The following GLT1D1 variants were observed in gnomAD, a reference collection of about 807,000 sequenced individuals.
GLT1D1 encodes glycosyltransferase 1 domain-containing protein 1.
Under a neutral mutation model 28.7 loss-of-function variants are expected in GLT1D1, and 21 were observed. The observed-to-expected ratio is 0.73, with a 90% CI of 0.52 to 1.05. The LOEUF (loss-of-function observed/expected upper bound fraction) is 1.05, where lower values mean the gene tolerates loss of function less well. GLT1D1 is among the 50% of genes least tolerant of loss of function. GLT1D1 has a pLI of 0.00. For synonymous variants in GLT1D1, 147 were observed against 124.8 expected (o/e 1.18, Z -1.19); for missense variants, 343 against 330.6 (o/e 1.04, Z -0.29).
intron 4 of GLT1D1, among the ~76,000 whole-genome samples, chr12:128,924,273 A>G (rs953848304): frequency 1.3e-5 from 2 of 151,758 alleles, no homozygotes; most frequent in Non-Finnish European, 2.9e-5. Flanking sequence ...CTAAAAATAC[A>G]AAAAGTAGCT....
At chr12:128,906,165 G>A (rs529309869) in intron 4 of GLT1D1, among the ~76,000 whole-genome samples, 3 of 152,272 alleles carry the variant, frequency 2.0e-5, no homozygotes, top group East Asian at 3.9e-4. Flanking sequence ...ATATTGATTT[G>A]ACATTTTCAA....
At chr12:128,912,325 ACGG>A in intron 4 of GLT1D1, 96 bp from the exon 5 acceptor site, 1 of 682,670 alleles carries the variant, frequency 1.5e-6, no homozygotes, top group Non-Finnish European at 2.4e-6. Context: ...GTTTTCCAGG[ACGG>A]CTTTTTTTGT....
intron 4 of GLT1D1, chr12:128,944,494 A>G: frequency 8.8e-7 from 1 of 1,137,390 alleles, no homozygotes; most frequent in Non-Finnish European, 1.3e-6. Context: ...CTCCCCTGTC[A>G]GAGCATCAAT....
intron 4 of GLT1D1, among the ~76,000 whole-genome samples, chr12:128,917,998 T>C (rs577499995): frequency 2.9e-4 from 44 of 152,272 alleles, no homozygotes; most frequent in Non-Finnish European, 2.6e-4. Flanking sequence ...GTTATAAAGA[T>C]ACATGCACGT....
intron 5 of GLT1D1, among the ~76,000 whole-genome samples, chr12:128,946,359 G>T (rs1876074083): frequency 6.6e-6 from 1 of 152,074 alleles, no homozygotes; most frequent in East Asian, 1.9e-4. Context: ...TGTTGTTGTT[G>T]TTGTTGAGAC....
intron 7 of GLT1D1, among the ~76,000 whole-genome samples, chr12:128,977,110 C>T (rs966042659): frequency 2.0e-5 from 3 of 152,190 alleles, no homozygotes; most frequent in African/African-American, 7.2e-5. Flanking sequence ...CGCGCCGCTG[C>T]ACTCCAGCCT....
intron 4 of GLT1D1, among the ~76,000 whole-genome samples, chr12:128,942,126 C>T (rs1043517462): frequency 2.7e-5 from 4 of 150,738 alleles, no homozygotes; most frequent in African/African-American, 9.8e-5. Context: ...TATTAGAACA[C>T]AGTCATTCAG....
intron 7 of GLT1D1, among the ~76,000 whole-genome samples, chr12:128,958,322 G>A (rs1197950822): frequency 6.6e-6 from 1 of 152,180 alleles, no homozygotes; most frequent in East Asian, 1.9e-4. Flanking sequence ...TGGATAAGTG[G>A]AGCTCATAGT....
At chr12:128,889,729 C>T (rs536863620) in intron 3 of GLT1D1, among the ~76,000 whole-genome samples, 27 of 152,330 alleles carry the variant, frequency 1.8e-4, no homozygotes, top group Admixed American at 2.6e-4. Flanking sequence ...TTGTGCTGAG[C>T]GCTATGTAAT....
intron 1 of GLT1D1, among the ~76,000 whole-genome samples, chr12:128,869,237 A>G (rs144512193): frequency 2.0e-5 from 3 of 151,446 alleles, no homozygotes; most frequent in African/African-American, 4.9e-5. Context: ...CACCGTCTTG[A>G]CTCACTGCAG....
At chr12:128,862,937 T>C (rs1040607917) in intron 1 of GLT1D1, among the ~76,000 whole-genome samples, 2 of 152,144 alleles carry the variant, frequency 1.3e-5, no homozygotes, top group African/African-American at 2.4e-5. Flanking sequence ...TGTAGGGTGA[T>C]GACAGAGAGA....
intron 3 of GLT1D1, among the ~76,000 whole-genome samples, chr12:128,889,888 C>A (rs948851133): frequency 6.6e-6 from 1 of 152,222 alleles, no homozygotes; most frequent in Non-Finnish European, 1.5e-5. Context: ...GATTCTTGTG[C>A]CTCAGGCTCC....
chr12:128,891,595 C>T (rs1023157157), intron 3 of GLT1D1, among the ~76,000 whole-genome samples: 4 of 152,160 alleles, frequency 2.6e-5, no homozygotes, highest in African/African-American at 4.8e-5. Flanking sequence ...ATTTGGGACA[C>T]TTCAAGTCTT....
chr12:128,937,539 G>A (rs1874694264), intron 4 of GLT1D1, among the ~76,000 whole-genome samples: 1 of 152,162 alleles, frequency 6.6e-6, no homozygotes, highest in Non-Finnish European at 1.5e-5. Context: ...CATCTCAGAG[G>A]ATGAATAGGT....
chr12:128,929,299 A>T (rs1441904847), intron 4 of GLT1D1, among the ~76,000 whole-genome samples: 1 of 152,178 alleles, frequency 6.6e-6, no homozygotes, highest in African/African-American at 2.4e-5. Flanking sequence ...GCAGCGTTAA[A>T]TAAAGTCTGT....
chr12:128,855,236 A>C (rs1036765308), intron 1 of GLT1D1, among the ~76,000 whole-genome samples: 8 of 147,404 alleles, frequency 5.4e-5, no homozygotes, highest in African/African-American at 2.0e-4. Flanking sequence ...AAAAAAAAAA[A>C]AAAAAAACAA....
intron 6 of GLT1D1, among the ~76,000 whole-genome samples, chr12:128,949,784 T>C (rs1426867758): frequency 6.6e-6 from 1 of 151,448 alleles, no homozygotes; most frequent in Non-Finnish European, 1.5e-5. Flanking sequence ...ACACACACGC[T>C]CACACACATG....
intron 7 of GLT1D1, among the ~76,000 whole-genome samples, chr12:128,982,330 G>GCCA (rs1183688090): frequency 6.6e-6 from 1 of 152,180 alleles, no homozygotes; most frequent in Non-Finnish European, 1.5e-5. Context: ...CTTGCCCAAG[G>GCCA]CCACACAGCA....
intron 4 of GLT1D1, among the ~76,000 whole-genome samples, chr12:128,936,605 G>A (rs1428488233): frequency 2.0e-5 from 3 of 152,150 alleles, no homozygotes; most frequent in Admixed American, 6.5e-5. Context: ...TATGGTCTCT[G>A]CTTGCAGGCG....
Sources: gnomAD v4.1 joint callset for allele counts (sites outside exome capture counted in the v4.1 genomes callset) on GRCh38, gnomAD v4.1.1 for gene constraint, MANE v1.5 for transcripts, NCBI Gene and HGNC (gene_info 2026-07-23, HGNC 2026-07-21) for gene names.